Variants in NBAS observed in about 807,000 individuals in gnomAD.
The protein encoded by NBAS is NAG/BC035112 fusion.
NBAS carries 219 observed loss-of-function variants against 302.5 expected under a neutral mutation model. The ratio of observed to expected loss-of-function variants is 0.72; its 90% CI spans 0.65 to 0.81. The LOEUF is 0.81. Among genes scored for constraint, NBAS ranks in the 30% least tolerant of loss-of-function variants. NBAS has a pLI of 0.00. For synonymous variants in NBAS, 1,118 were observed against 1,021.6 expected (o/e 1.09, Z -1.80); for missense variants, 2,932 against 2,841.6 (o/e 1.03, Z -0.72).
At chr2:15,267,246 C>T (rs1669119448) in intron 44 of NBAS, among the ~76,000 whole-genome samples, 1 of 152,168 alleles carries the variant, frequency 6.6e-6, no homozygotes, top group Non-Finnish European at 1.5e-5. Flanking sequence ...AGGGCCATGG[C>T]AATCTTTTAT....
chr2:14,856,091 G>A, the NBAS span, among the ~76,000 whole-genome samples: 9 of 152,180 alleles, frequency 5.9e-5, no homozygotes, highest in African/African-American at 1.9e-4. Context: ...GAAAGAGAGA[G>A]AGAGACCCCA....
chr2:15,539,855 T>TAC (rs1263217058), intron 6 of NBAS, among the ~76,000 whole-genome samples: 27 of 151,072 alleles, frequency 1.8e-4, no homozygotes, highest in Admixed American at 7.9e-4. Flanking sequence ...TATATATATA[T>TAC]ATACACACAC....
the NBAS span, among the ~76,000 whole-genome samples, chr2:14,932,936 T>A: frequency 1.3e-5 from 2 of 152,232 alleles, no homozygotes; most frequent in African/African-American, 4.8e-5. Flanking sequence ...GACATGGAAC[T>A]AATATTCTAC....
intron 32 of NBAS, among the ~76,000 whole-genome samples, 190 bp downstream of exon 32, chr2:15,366,387 GTTC>G (rs1231904914): frequency 2.6e-5 from 4 of 152,106 alleles, no homozygotes; most frequent in East Asian, 1.9e-4. Context: ...GCCCAAAGAT[GTTC>G]TTCTTAGCTA....
the NBAS span, among the ~76,000 whole-genome samples, chr2:15,044,072 T>C: frequency 1.3e-5 from 2 of 152,240 alleles, no homozygotes; most frequent in East Asian, 3.9e-4. Context: ...AGAAAACAAA[T>C]TTTCACATGG....
chr2:15,471,388 C>A (rs1293534475), intron 16 of NBAS, among the ~76,000 whole-genome samples: 1 of 152,138 alleles, frequency 6.6e-6, no homozygotes, highest in Non-Finnish European at 1.5e-5. Context: ...TCATCTTCTT[C>A]CATACAACTT....
At chr2:15,273,825 C>T (rs1669441570) in intron 44 of NBAS, among the ~76,000 whole-genome samples, 1 of 151,944 alleles carries the variant, frequency 6.6e-6, no homozygotes, top group Non-Finnish European at 1.5e-5. Flanking sequence ...TCTGTAATCC[C>T]AGCACTTTGG....
intron 48 of NBAS, among the ~76,000 whole-genome samples, chr2:15,207,887 T>G (rs1004120413): frequency 1.3e-5 from 2 of 151,640 alleles, no homozygotes; most frequent in African/African-American, 2.4e-5. Context: ...TGGACTAACA[T>G]AGTAACTAAC....
chr2:15,374,817 A>G (rs1674654907), intron 30 of NBAS, 97 bp from the exon 31 acceptor site: 3 of 1,039,478 alleles, frequency 2.9e-6, no homozygotes, highest in Non-Finnish European at 4.4e-6. Flanking sequence ...TCAAAAATCT[A>G]CCACATCCCA....
At chr2:15,514,434 T>C (rs895713960) in intron 9 of NBAS, among the ~76,000 whole-genome samples, 49 of 152,318 alleles carry the variant, frequency 3.2e-4, no homozygotes, top group African/African-American at 1.2e-3. Context: ...CAAAAATATG[T>C]GATTCATAAA....
intron 21 of NBAS, among the ~76,000 whole-genome samples, chr2:15,431,051 C>T (rs925986140): frequency 2.0e-5 from 3 of 152,002 alleles, no homozygotes; most frequent in African/African-American, 7.2e-5. Flanking sequence ...AGGTAATCCA[C>T]CCACCTCGGC....
At chr2:15,353,095 T>TC (rs1673445195) in intron 34 of NBAS, among the ~76,000 whole-genome samples, 1 of 152,160 alleles carries the variant, frequency 6.6e-6, no homozygotes, top group Non-Finnish European at 1.5e-5. Context: ...AGGGGCACTA[T>TC]CCTCTCCTAT....
chr2:15,365,844 C>G (rs2148337677), intron 32 of NBAS, among the ~76,000 whole-genome samples: 1 of 152,138 alleles, frequency 6.6e-6, no homozygotes, highest in Admixed American at 6.5e-5. Context: ...TGACCAACAA[C>G]TCTTCTTGCA....
chr2:14,791,607 G>C, the NBAS span, among the ~76,000 whole-genome samples: 28 of 151,994 alleles, frequency 1.8e-4, no homozygotes, highest in Admixed American at 1.8e-3. Context: ...TTTGAGACCA[G>C]TCTGGCAAAT....
At chr2:14,916,340 C>T in the NBAS span, among the ~76,000 whole-genome samples, 1 of 152,166 alleles carries the variant, frequency 6.6e-6, no homozygotes, top group East Asian at 1.9e-4. Context: ...AAAGGACAAA[C>T]ACTCCTCAGG....
Position 15,467,790 on chromosome 2 carries a change from C to T in NBAS, c.1892G>A (p.Gly631Asp), listed in dbSNP as rs2148572986. The T allele has an allele frequency of 6.3e-7, 1 of 1,590,594 alleles. No homozygotes were observed. The highest frequency in any genetic ancestry group is 1.7e-5 in the Admixed American group (1 of 59,796). ...GGAGATACTGTCAATGTCTATTTCA[C>T]CAGGTAATGTAAATCTGCAAGTATA... ...GADDGRFTLP[G>D]EIDIDSISYE... Residue 631 changes from glycine to aspartate, a missense_variant, in exon 18 of 52, where the codon GGT becomes GAT. Transcript: ENST00000281513.
chr2:14,924,462 T>A, the NBAS span, among the ~76,000 whole-genome samples: 1 of 152,226 alleles, frequency 6.6e-6, no homozygotes, highest in Non-Finnish European at 1.5e-5. Context: ...TCCAGATATA[T>A]GCAAAAGGCT....
At chr2:15,313,304 T>G (rs1671360164) in intron 38 of NBAS, among the ~76,000 whole-genome samples, 2 of 152,226 alleles carry the variant, frequency 1.3e-5, no homozygotes, top group Admixed American at 1.3e-4. Context: ...TTTAAAAATA[T>G]ATGCTCTGAG....
At chr2:15,305,511 G>A (rs1217531854) in intron 40 of NBAS, among the ~76,000 whole-genome samples, 1 of 149,620 alleles carries the variant, frequency 6.7e-6, no homozygotes, top group Non-Finnish European at 1.5e-5. Context: ...GAGTGCAACG[G>A]CGCGATCTCA....
Sources: gnomAD v4.1 joint callset for allele counts (sites outside exome capture counted in the v4.1 genomes callset) on GRCh38, gnomAD v4.1.1 for gene constraint, MANE v1.5 for transcripts, NCBI Gene and HGNC (gene_info 2026-07-23, HGNC 2026-07-21) for gene names.